Variants in HMGXB3 observed in about 807,000 individuals in gnomAD.
HMGXB3 encodes the protein HMG-box containing 3, also known as HMG domain-containing protein 3.
HMGXB3 carries 45 observed loss-of-function variants against 121.5 expected under a neutral mutation model. That is an observed-to-expected ratio of 0.37 (90% CI 0.29 to 0.47). The LOEUF (loss-of-function observed/expected upper bound fraction) is 0.47. HMGXB3 is among the 20% of genes least tolerant of loss of function. The probability of loss-of-function intolerance (pLI) is 0.99; values close to 1 mark genes in which losing one functional copy is unlikely to be tolerated. For synonymous variants in HMGXB3, 590 were observed against 624.1 expected (o/e 0.95, Z 0.81); for missense variants, 1,376 against 1,602.2 (o/e 0.86, Z 2.41).
intron 19 of HMGXB3, among the ~76,000 whole-genome samples, chr5:150,051,449 T>C (rs191079130): frequency 1.1e-3 from 160 of 152,306 alleles, no homozygotes; most frequent in African/African-American, 3.7e-3. Flanking sequence ...CAGAGCCTGA[T>C]CTTTCTGCTC....
rs756710856 is a variant in HMGXB3, at chr5:150,032,577, C to T, written c.1957C>T (p.Arg653Trp). 1.0e-5 allele frequency: 16 copies of T among 1,552,146 alleles called. No homozygotes were observed. The highest frequency in any genetic ancestry group is 1.7e-4 in the Middle Eastern group (1 of 6,018). Residue 653 changes from arginine (R) to tryptophan (W), a missense_variant, in exon 11 of 20, where the codon CGG becomes TGG. By Grantham distance (101) the Arg-to-Trp change is moderately radical. This residue lies in a region of HMGXB3 where 1,116 missense variants were observed against 1,369.0 expected (regional missense o/e 0.82). Coordinates refer to ENST00000502717, the MANE Select transcript of HMGXB3 (RefSeq NM_014983.3). ...CTGTGGTGTTAACCTTGCCAAAGAC[C>T]GGACTGAGAAAACCACCAAGGCTAT... The part of the protein sequence containing the change: ...PSCGVNLAKD[R>W]TEKTTKAIEV...
chr5:150,041,048 A>G (rs143172907), intron 14 of HMGXB3, among the ~76,000 whole-genome samples, 169 bp downstream of exon 14: 20 of 152,354 alleles, frequency 1.3e-4, no homozygotes, highest in African/African-American at 4.6e-4. Context: ...ACAAATGCCA[A>G]ACTAATTTTG....
chr5:150,021,258 G>C (rs1756085828), intron 6 of HMGXB3, among the ~76,000 whole-genome samples: 1 of 152,160 alleles, frequency 6.6e-6, no homozygotes, highest in Non-Finnish European at 1.5e-5. Flanking sequence ...AGTGCACTTA[G>C]AATTTTAGAA....
At chr5:150,003,259 A>G (rs1755620739) in intron 1 of HMGXB3, among the ~76,000 whole-genome samples, 1 of 152,256 alleles carries the variant, frequency 6.6e-6, no homozygotes, top group Admixed American at 6.5e-5. Context: ...GCACAGATGT[A>G]GAACATTTCC....
chr5:150,006,186 G>A (rs1324739912), intron 2 of HMGXB3, among the ~76,000 whole-genome samples: 1 of 152,076 alleles, frequency 6.6e-6, no homozygotes, highest in African/African-American at 2.4e-5. Context: ...AATTTGTGTT[G>A]TACTGACAGC....
intron 6 of HMGXB3, among the ~76,000 whole-genome samples, chr5:150,020,597 T>A (rs1033418692): frequency 8.7e-5 from 13 of 149,356 alleles, no homozygotes; most frequent in African/African-American, 3.2e-4. Context: ...TTGAAATAAC[T>A]TTTTTTTTTG....
intron 15 of HMGXB3, among the ~76,000 whole-genome samples, chr5:150,044,031 G>A (rs1325167928): frequency 6.6e-6 from 1 of 152,180 alleles, no homozygotes; most frequent in African/African-American, 2.4e-5. Context: ...CACCCGTCCT[G>A]TCCCAATCAA....
chr5:150,005,304 A>G (rs1755670568), intron 2 of HMGXB3, among the ~76,000 whole-genome samples: 1 of 152,266 alleles, frequency 6.6e-6, no homozygotes. Context: ...ATAAAATTAC[A>G]AAATTAGAAA....
At chr5:150,028,103 T>A (rs908141618) in intron 9 of HMGXB3, among the ~76,000 whole-genome samples, 1 of 152,078 alleles carries the variant, frequency 6.6e-6, no homozygotes, top group Non-Finnish European at 1.5e-5. Flanking sequence ...TCAGTCAACA[T>A]ACACAAGATG....
chr5:150,004,640 C>T (rs970408280), intron 1 of HMGXB3, among the ~76,000 whole-genome samples: 2 of 152,100 alleles, frequency 1.3e-5, no homozygotes, highest in Non-Finnish European at 2.9e-5. Context: ...ATTTCCATAC[C>T]CTCGGGAGAT....
intron 5 of HMGXB3, 139 bp downstream of exon 5, chr5:150,012,492 G>C (rs781602271): frequency 1.5e-6 from 1 of 646,316 alleles, no homozygotes; most frequent in Non-Finnish European, 2.8e-6. Context: ...ACCTCAGGAT[G>C]CGAGGACTGG....
chr5:150,051,008 T>C (rs1402377220), intron 19 of HMGXB3, among the ~76,000 whole-genome samples: 1 of 152,216 alleles, frequency 6.6e-6, no homozygotes, highest in Non-Finnish European at 1.5e-5. Flanking sequence ...TGGATAACAC[T>C]GTATGGCATG....
chr5:150,004,711 G>GTGC lies in HMGXB3; in HGVS notation c.-2-138_-2-136dup, dbSNP rs1235858106. 4 of 511,786 alleles carry GTGC rather than the reference G, an allele frequency of 7.8e-6. No individual in the cohort carries two copies. The Admixed American group carries it at 1.5e-4, about 20-fold the overall frequency. The allele number at this position is 511,786 out of a possible 1,614,324, so 31.7% of individuals were successfully genotyped here. A position where few individuals can be genotyped will look rare whatever the true frequency, so the allele number is the denominator to read the frequency against. On this transcript the variant is annotated intron_variant, in intron 1 of 19. Coordinates refer to ENST00000502717, the MANE Select transcript of HMGXB3 (RefSeq NM_014983.3). The stretch of plus-strand genomic sequence containing the variant: ...CTTGTGTGTTAAACAACCAAGCCAG[G>GTGC]TGCTTCTTAGGATATATTGGGTTTG...
chr5:150,017,165 AT>A (rs1755978387), intron 5 of HMGXB3, among the ~76,000 whole-genome samples: 1 of 152,174 alleles, frequency 6.6e-6, no homozygotes, highest in Admixed American at 6.6e-5. Context: ...ATCCTTGAAC[AT>A]TAGCACTTTT....
intron 1 of HMGXB3, among the ~76,000 whole-genome samples, chr5:150,002,524 T>C (rs565298222): frequency 6.6e-6 from 1 of 152,186 alleles, no homozygotes; most frequent in African/African-American, 2.4e-5. Flanking sequence ...AACTGCCTCT[T>C]CCCAGAATTC....
chr5:150,036,810 C>T lies in HMGXB3; in HGVS notation c.2158C>T (p.Arg720Ter), dbSNP rs1756510272. The T allele has an allele frequency of 1.3e-6, 2 of 1,551,706 alleles. No individual in the cohort carries two copies. Among genetic ancestry groups the T allele is most frequent in the Non-Finnish European group, 1.7e-6 (2 of 1,147,004 alleles). The change falls in exon 12 of 20, where the codon CGA (arginine) becomes TGA (stop). Residue 720 changes from arginine to a stop codon, truncating the protein, a stop_gained. Coordinates refer to ENST00000502717, the MANE Select transcript of HMGXB3 (RefSeq NM_014983.3). LOFTEE classifies it high-confidence loss of function. Reference protein sequence around the residue: ...FALIHELNSSRLILSNVSEET... With the variant: ...FALIHELNSS ...CTTGATTCATGAACTCAACAGCTCTCGACTTATCTTGTCCAACGTGAGTGA... is the reference window on the plus strand; with the variant it reads ...CTTGATTCATGAACTCAACAGCTCTTGACTTATCTTGTCCAACGTGAGTGA...
chr5:150,045,521 C>T lies in HMGXB3; in HGVS notation c.2786C>T (p.Ala929Val). 6.4e-7 allele frequency: 1 copy of T among 1,552,306 alleles called. No individual in the cohort carries two copies. Among genetic ancestry groups the T allele is most frequent in the South Asian group, 1.2e-5 (1 of 84,060 alleles). ...SNEVNVEDFW[A>V]TMETEVIEQV... ...GAGGTAAATGTGGAGGACTTTTGGG[C>T]CACGATGGAGACAGAGGTGATTGAG... is the stretch of plus-strand genomic sequence containing the variant. Residue 929 changes from alanine (A) to valine (V), a missense_variant, in exon 16 of 20, where the codon GCC becomes GTC. This residue lies in a region of HMGXB3 where 1,116 missense variants were observed against 1,369.0 expected (regional missense o/e 0.82). Transcript: ENST00000502717.
chr5:150,010,799 C>T (rs1755813587), intron 4 of HMGXB3, among the ~76,000 whole-genome samples, 191 bp downstream of exon 4: 1 of 152,244 alleles, frequency 6.6e-6, no homozygotes, highest in South Asian at 2.1e-4. Flanking sequence ...CTCAGGCACT[C>T]TTACCAACTC....
intron 9 of HMGXB3, among the ~76,000 whole-genome samples, chr5:150,029,079 T>C (rs1198567855): frequency 1.3e-5 from 2 of 152,350 alleles, no homozygotes; most frequent in African/African-American, 4.8e-5. Flanking sequence ...AAGTCCCTCA[T>C]GATCCTGCCA....
Sources: allele counts gnomAD v4.1 joint callset (sites outside exome capture counted in the v4.1 genomes callset), GRCh38; gene constraint gnomAD v4.1.1; regional missense constraint gnomAD v4.1.1; transcripts MANE v1.5; gene names NCBI Gene and HGNC (gene_info 2026-07-23, HGNC 2026-07-21).